The following GPHN variants were observed in gnomAD, a reference collection of about 807,000 sequenced individuals.
The protein encoded by GPHN is gephyrin.
Under a neutral mutation model 95.5 loss-of-function variants are expected in GPHN, and 17 were observed. The ratio of observed to expected loss-of-function variants is 0.18; its 90% CI spans 0.12 to 0.27. The LOEUF is 0.27. Ranked by LOEUF, GPHN falls within the 10% of genes least tolerant of loss-of-function variation. The probability of loss-of-function intolerance (pLI) is 1.00; values close to 1 mark genes in which losing one functional copy is unlikely to be tolerated. For synonymous variants in GPHN, 320 were observed against 322.5 expected, an observed-to-expected ratio of 0.99 and a Z score of 0.08; for missense variants, 660 against 978.1, an observed-to-expected ratio of 0.67 and a Z score of 4.34.
intron 11 of GPHN, among the ~76,000 whole-genome samples, chr14:67,070,715 A>AAAAAATATATATATATATATATATATAT: frequency 1.2e-5 from 1 of 80,704 alleles, no homozygotes; most frequent in African/African-American, 1.3e-4. Flanking sequence ...AAAAAAAAAA[A>AAAAAATATATATATATATATATATATAT]ATATATATAT....
chr14:67,556,775 A>G, the GPHN span, among the ~76,000 whole-genome samples: 1 of 152,244 alleles, frequency 6.6e-6, no homozygotes, highest in Non-Finnish European at 1.5e-5. Context: ...GAGTCTAGAA[A>G]TGATGCACCA....
chr14:66,538,778 CTTG>C (rs1178193054), intron 1 of GPHN, among the ~76,000 whole-genome samples: 1 of 120,326 alleles, frequency 8.3e-6, no homozygotes, highest in African/African-American at 4.4e-5. Flanking sequence ...GTCATTTTTT[CTTG>C]TTTTTTTTTT....
At chr14:67,364,619 A>G in the GPHN span, 1 of 739,690 alleles carries the variant, frequency 1.4e-6, no homozygotes, top group South Asian at 2.2e-5. Context: ...TTCTGGTACC[A>G]CTTAAGAAGT....
chr14:67,047,357 TGTGTG>T (rs1387580320), intron 10 of GPHN, among the ~76,000 whole-genome samples: 1 of 140,172 alleles, frequency 7.1e-6, no homozygotes, highest in African/African-American at 2.6e-5. Context: ...TGTGTGTGTG[TGTGTG>T]TTTGTTTTTT....
At chr14:67,396,562 G>A in the GPHN span, among the ~76,000 whole-genome samples, 1 of 93,852 alleles carries the variant, frequency 1.1e-5, no homozygotes, top group South Asian at 3.7e-4. Flanking sequence ...ATTCCCCTTT[G>A]ACCACACTGG....
chr14:66,915,706 A>G (rs2065864408), intron 5 of GPHN, among the ~76,000 whole-genome samples: 1 of 152,204 alleles, frequency 6.6e-6, no homozygotes, highest in Non-Finnish European at 1.5e-5. Context: ...TAAAATATGA[A>G]GAAGCTGAAG....
chr14:66,735,628 A>G (rs2072192465), intron 2 of GPHN, among the ~76,000 whole-genome samples: 2 of 152,224 alleles, frequency 1.3e-5, no homozygotes, highest in African/African-American at 4.8e-5. Context: ...ACTGGGTGCC[A>G]TGAAAACATT....
intron 2 of GPHN, among the ~76,000 whole-genome samples, chr14:66,740,776 C>T (rs1324203868): frequency 6.6e-6 from 1 of 152,114 alleles, no homozygotes; most frequent in Admixed American, 6.6e-5. Flanking sequence ...TGAATATTTG[C>T]AACACACTGA....
At chr14:67,321,005 T>C in the GPHN span, 373 of 1,468,872 alleles carry the variant, frequency 2.5e-4, 1 homozygote, top group African/African-American at 4.5e-3. Flanking sequence ...AATTATCCCC[T>C]GTCCTCACTC....
At position 67,165,218 on chromosome 14, in the gene GPHN, C is replaced by T. The variant is rs2082206099; in HGVS notation, c.1967C>T (p.Ala656Val). 6.3e-7 allele frequency: 1 copy of T among 1,599,298 alleles called. No homozygotes were observed. The highest frequency in any genetic ancestry group is 8.6e-7 in the Non-Finnish European group (1 of 1,166,576). Residue 656 changes from alanine (A) to valine (V), a missense_variant, in exon 20 of 23, where the codon GCA (alanine) becomes GTA (valine). Physicochemically the swap from Ala to Val is moderately conservative, Grantham distance 64 (BLOSUM62 0). Coordinates refer to ENST00000478722, the MANE Select transcript of GPHN (RefSeq NM_020806.5). ...DIDGVRKIIF[A>V]LPGNPVSAVV... ...GATGGTGTAAGAAAAATAATCTTTG[C>T]ACTACCTGGTAAGAATAACAAATTG... is the stretch of plus-strand genomic sequence containing the variant.
the GPHN span, chr14:67,360,388 C>T: frequency 1.3e-5 from 5 of 395,634 alleles, no homozygotes; most frequent in African/African-American, 4.1e-5. Context: ...GAGGGGGAAG[C>T]AAGTCTGGTC....
chr14:66,965,471 A>G (rs2069256316), intron 9 of GPHN, 146 bp downstream of exon 9: 1 of 779,348 alleles, frequency 1.3e-6, no homozygotes, highest in South Asian at 1.5e-5. Context: ...GTTCCCACCC[A>G]TTGTGTCACA....
chr14:66,663,080 C>T (rs141359592), intron 1 of GPHN, among the ~76,000 whole-genome samples: 4 of 152,192 alleles, frequency 2.6e-5, no homozygotes, highest in Admixed American at 1.3e-4. Flanking sequence ...AGGACTTCCC[C>T]AACCTAGCTA....
chr14:67,341,272 G>A, the GPHN span, among the ~76,000 whole-genome samples: 6 of 150,700 alleles, frequency 4.0e-5, no homozygotes, highest in Non-Finnish European at 7.4e-5. Context: ...TGTGGGGAGC[G>A]CCTCTGCCCC....
chr14:66,745,072 G>A (rs928754286), intron 2 of GPHN, among the ~76,000 whole-genome samples: 3 of 151,960 alleles, frequency 2.0e-5, no homozygotes, highest in Non-Finnish European at 4.4e-5. Flanking sequence ...TCTCAATATA[G>A]GTTATGAATA....
the GPHN span, among the ~76,000 whole-genome samples, chr14:67,356,944 C>T: frequency 2.0e-5 from 3 of 152,192 alleles, no homozygotes; most frequent in Admixed American, 2.0e-4. Flanking sequence ...ATATTCCAGC[C>T]AGTTTATAGT....
At chr14:67,129,570 A>G (rs1015584942) in intron 17 of GPHN, among the ~76,000 whole-genome samples, 4 of 152,154 alleles carry the variant, frequency 2.6e-5, no homozygotes, top group Non-Finnish European at 4.4e-5. Context: ...AAATTTAGCC[A>G]TAGTATATAT....
the GPHN span, among the ~76,000 whole-genome samples, chr14:67,696,683 C>T: frequency 1.3e-5 from 2 of 152,072 alleles, no homozygotes; most frequent in African/African-American, 4.8e-5. Flanking sequence ...TGAATTAAGG[C>T]CATGAATATG....
At chr14:66,525,727 G>A (rs1041399259) in intron 1 of GPHN, among the ~76,000 whole-genome samples, 4 of 151,592 alleles carry the variant, frequency 2.6e-5, no homozygotes, top group East Asian at 1.9e-4. Flanking sequence ...CCAGTTTTAC[G>A]AACACCATTT....
Sources: allele counts gnomAD v4.1 joint callset (sites outside exome capture counted in the v4.1 genomes callset), GRCh38; gene constraint gnomAD v4.1.1; transcripts MANE v1.5; gene names NCBI Gene and HGNC (gene_info 2026-07-23, HGNC 2026-07-21).